The following MYCBP2 variants were observed in gnomAD, a reference collection of about 807,000 sequenced individuals.
MYCBP2 encodes MYC binding protein 2.
A neutral mutation model predicts 525.3 loss-of-function variants in MYCBP2; 120 were observed. The ratio of observed to expected loss-of-function variants is 0.23; its 90% confidence interval spans 0.20 to 0.27. MYCBP2 has a LOEUF of 0.27. Ranked by LOEUF, MYCBP2 falls within the 10% of genes least tolerant of loss-of-function variation. MYCBP2 has a pLI of 1.00. For missense variants in MYCBP2, 4,149 were observed against 5,657.1 expected, an observed-to-expected ratio of 0.73 and a Z score of 8.55; for synonymous variants, 1,894 against 1,955.8, an observed-to-expected ratio of 0.97 and a Z score of 0.83.
rs369884004 is a variant in MYCBP2 at position 77,241,493 on chromosome 13, T to G, written c.2629+1566A>C. Among the ~76,000 whole-genome samples, 4 of 152,282 alleles carry G rather than the reference T, an allele frequency of 2.6e-5. No homozygotes were observed. In the East Asian group the frequency reaches 7.7e-4, roughly 29 times the overall value. On this transcript the variant is annotated intron_variant, in intron 17 of 82. Coordinates refer to ENST00000544440, the MANE Select transcript of MYCBP2 (RefSeq NM_015057.5). Reference sequence around the variant, plus strand: ...GGTAGCAAACAGATAGAATGGTAACTAATCTGAAAAAATTATATCAACATA... The same window carrying G: ...GGTAGCAAACAGATAGAATGGTAACGAATCTGAAAAAATTATATCAACATA...
intron 46 of MYCBP2, among the ~76,000 whole-genome samples, chr13:77,152,765 G>T (rs550241298): frequency 5.3e-5 from 8 of 151,996 alleles, no homozygotes; most frequent in Admixed American, 5.2e-4. Flanking sequence ...CACTTCCACC[G>T]TTTGATAAAA....
At chr13:77,246,391 GA>G (rs1488767228) in intron 15 of MYCBP2, among the ~76,000 whole-genome samples, 1 of 151,890 alleles carries the variant, frequency 6.6e-6, no homozygotes, top group Non-Finnish European at 1.5e-5. Context: ...CTGAAGAGGA[GA>G]GAACAAGAAT....
intron 13 of MYCBP2, 140 bp from the exon 14 acceptor site, chr13:77,257,969 C>CAG (rs2072538311): frequency 3.2e-6 from 2 of 617,144 alleles, no homozygotes; most frequent in Non-Finnish European, 5.3e-6. Context: ...AAAAGACTGG[C>CAG]AGAGTATCAC....
chr13:77,090,230 A>T lies in MYCBP2; in HGVS notation c.10401T>A (p.Leu3467=). Residue 3467 remains leucine (L), a synonymous_variant, in exon 60 of 83, where the codon CTT becomes CTA. Transcript: ENST00000544440. ...LETSPITDTD[L]AKRTVFQRSY... ...ATCTTTGGAAGACAGTTCTCTTTGCAAGATCAGTATCAGTTATGGGACTGG... is the reference window on the plus strand; with the variant it reads ...ATCTTTGGAAGACAGTTCTCTTTGCTAGATCAGTATCAGTTATGGGACTGG... The T allele has an allele frequency of 6.2e-7, 1 of 1,612,452 alleles. No individual in the cohort carries two copies. Among genetic ancestry groups the T allele is most frequent in the Non-Finnish European group, 8.5e-7 (1 of 1,179,088 alleles).
intron 54 of MYCBP2, among the ~76,000 whole-genome samples, chr13:77,122,272 T>C (rs2050848399): frequency 6.6e-6 from 1 of 152,088 alleles, no homozygotes; most frequent in African/African-American, 2.4e-5. Flanking sequence ...CAAAATAAAG[T>C]CTGTCAAGTA....
chr13:77,266,844 C>T (rs556829005), intron 8 of MYCBP2, among the ~76,000 whole-genome samples: 8 of 150,532 alleles, frequency 5.3e-5, no homozygotes, highest in African/African-American at 1.7e-4. Context: ...CAAAGCTCCT[C>T]TATTTCTGAA....
intron 80 of MYCBP2, among the ~76,000 whole-genome samples, chr13:77,054,070 G>A (rs2037367751): frequency 6.6e-6 from 1 of 152,142 alleles, no homozygotes; most frequent in African/African-American, 2.4e-5. Context: ...GTATGTTACA[G>A]AGGAGGTGAA....
intron 19 of MYCBP2, among the ~76,000 whole-genome samples, chr13:77,224,836 G>A (rs2066043087): frequency 6.6e-6 from 1 of 151,956 alleles, no homozygotes; most frequent in African/African-American, 2.4e-5. Flanking sequence ...TCTTAATAAT[G>A]AGTAACTACA....
intron 1 of MYCBP2, among the ~76,000 whole-genome samples, chr13:77,322,092 T>C (rs1479416595): frequency 3.9e-5 from 6 of 152,104 alleles, no homozygotes; most frequent in Admixed American, 3.3e-4. Context: ...GCCCAAGAGG[T>C]TGAGGCTGCA....
chr13:77,190,231 CA>C lies in MYCBP2; in HGVS notation c.4154+20del. On this transcript the variant is annotated intron_variant, in intron 29 of 82. Transcript: ENST00000544440. ...AGCAAAATAATAAACCATACTAATT[CA>C]GTATAAATATGCTAAATACCTGTAT... The C allele has an allele frequency of 2.8e-6, 4 of 1,441,546 alleles. No homozygotes were observed. The highest frequency in any genetic ancestry group is 3.9e-6 in the Non-Finnish European group (4 of 1,032,706). 89.3% of individuals were successfully genotyped at this position (1,441,546 alleles called of 1,614,324 possible).
At chr13:77,159,310 G>A (rs146085110) in intron 44 of MYCBP2, among the ~76,000 whole-genome samples, 5 of 151,868 alleles carry the variant, frequency 3.3e-5, no homozygotes, top group African/African-American at 1.2e-4. Flanking sequence ...CTAACAAATA[G>A]TAAGTGTTTA....
At chr13:77,291,715 C>T (rs1359548047) in intron 2 of MYCBP2, among the ~76,000 whole-genome samples, 1 of 151,306 alleles carries the variant, frequency 6.6e-6, no homozygotes, top group Non-Finnish European at 1.5e-5. Flanking sequence ...TGCAATGAGC[C>T]GAGATCGTGC....
Position 77,095,707 on chromosome 13 carries a change from T to C in MYCBP2, c.9955-105A>G. ...TCCAATAAAAATTATTAAACACTTGTAAAGCTATTTTAAGATAATAAGATT... is the reference window on the plus strand; with the variant it reads ...TCCAATAAAAATTATTAAACACTTGCAAAGCTATTTTAAGATAATAAGATT... On this transcript the variant is annotated intron_variant, in intron 57 of 82. Transcript: ENST00000544440. The C allele has an allele frequency of 3.8e-6, 5 of 1,300,522 alleles. No homozygotes were observed. In the South Asian group the frequency reaches 7.4e-5, roughly 19 times the overall value. 80.6% of individuals were successfully genotyped at this position (1,300,522 alleles called of 1,614,324 possible). A position where few individuals can be genotyped will look rare whatever the true frequency, so the allele number is the denominator to read the frequency against.
intron 59 of MYCBP2, 58 bp downstream of exon 59, chr13:77,093,107 C>G: frequency 6.7e-7 from 1 of 1,496,978 alleles, no homozygotes; most frequent in Non-Finnish European, 9.0e-7. Context: ...TTTTCTAGTT[C>G]AAAGTCTTTC....
At chr13:77,322,415 T>C (rs1400222460) in intron 1 of MYCBP2, among the ~76,000 whole-genome samples, 1 of 152,222 alleles carries the variant, frequency 6.6e-6, no homozygotes, top group East Asian at 1.9e-4. Flanking sequence ...CCTCTTGGCA[T>C]CACTTTCCTT....
In MYCBP2 at chr13:77,242,010, G is replaced by A. The variant is rs552836964; in HGVS notation, c.2629+1049C>T. 3.0e-3 allele frequency among the ~76,000 whole-genome samples: 451 copies of A among 151,856 alleles called. 2 individuals are homozygous for A. Among genetic ancestry groups the A allele is most frequent in the Admixed American group, 5.2e-3 (80 of 15,270 alleles). On this transcript the variant is annotated intron_variant, in intron 17 of 82. Coordinates refer to ENST00000544440, the MANE Select transcript of MYCBP2 (RefSeq NM_015057.5). The stretch of plus-strand genomic sequence containing the variant: ...AAATCATAGACTTCCATAACAATTT[G>A]TCTTAATCCTACAAAAAAAAAATTT...
At chr13:77,311,314 T>A (rs2080175872) in intron 1 of MYCBP2, among the ~76,000 whole-genome samples, 1 of 151,390 alleles carries the variant, frequency 6.6e-6, no homozygotes, top group Admixed American at 6.6e-5. Context: ...AACCCTAGAG[T>A]TTACAAAACA....
In MYCBP2 at chr13:77,081,403, C is replaced by T. The variant is rs755548486; in HGVS notation, c.11418+24G>A. On this transcript the variant is annotated intron_variant, in intron 65 of 82. Coordinates refer to ENST00000544440, the MANE Select transcript of MYCBP2 (RefSeq NM_015057.5). This position sits in a 1 kb window ranked among gnomAD's most constrained non-coding sequence, Gnocchi z 4.6. ...TAAGATCTGAAAAGAGCTAAAGAGC[C>T]GTAAATCACGTTTGCTTTCTTACCC... 2.9e-5 allele frequency: 47 copies of T among 1,593,274 alleles called. No individual in the cohort carries two copies. The Admixed American group carries it at 4.5e-4, about 15-fold the overall frequency.
chr13:77,129,293 A>G (rs1033537678), intron 52 of MYCBP2: 3 of 395,720 alleles, frequency 7.6e-6, no homozygotes, highest in African/African-American at 2.1e-5. Flanking sequence ...TATCATCTGC[A>G]GAAGATGCGT....
Sources: gnomAD v4.1 joint callset for allele counts (sites outside exome capture counted in the v4.1 genomes callset) on GRCh38, gnomAD v4.1.1 for gene constraint, Gnocchi (gnomAD v3.1) non-coding constraint, MANE v1.5 for transcripts, NCBI Gene and HGNC (gene_info 2026-07-23, HGNC 2026-07-21) for gene names.